NELL2: variants seen among roughly 807,000 people sequenced by gnomAD.
The protein encoded by NELL2 is protein kinase C-binding protein NELL2.
A neutral mutation model predicts 109.6 loss-of-function variants in NELL2; 41 were observed. The ratio of observed to expected loss-of-function variants is 0.37; its 90% CI spans 0.29 to 0.49. The LOEUF (loss-of-function observed/expected upper bound fraction) is 0.49. Ranked by LOEUF, NELL2 falls within the 20% of genes least tolerant of loss-of-function variation. The probability of loss-of-function intolerance (pLI) is 0.98; values close to 1 mark genes in which losing one functional copy is unlikely to be tolerated. For synonymous variants in NELL2, 355 were observed against 344.7 expected (o/e 1.03, Z -0.33); for missense variants, 900 against 1,008.3 (o/e 0.89, Z 1.45).
At chr12:44,917,781 TAG>T, upstream of NELL2, among the ~76,000 whole-genome samples, 1 of 152,286 alleles carries the variant, frequency 6.6e-6, no homozygotes, top group East Asian at 1.9e-4. Flanking sequence ...TCCTGTGGGC[TAG>T]AGAAGTAAGG....
intron 3 of NELL2, among the ~76,000 whole-genome samples, chr12:44,795,919 A>AT (rs1358815611): frequency 3.9e-5 from 6 of 152,096 alleles, no homozygotes; most frequent in Non-Finnish European, 8.8e-5. Context: ...CTTTTCTGAT[A>AT]TTTTTGTTAA....
intron 3 of NELL2, among the ~76,000 whole-genome samples, chr12:44,782,750 A>G (rs556940679): frequency 5.9e-5 from 9 of 152,174 alleles, no homozygotes; most frequent in African/African-American, 2.2e-4. Context: ...TATGTGAAGC[A>G]AAAACTGATA....
At chr12:44,648,647 A>C (rs1337542886) in intron 13 of NELL2, among the ~76,000 whole-genome samples, 1 of 150,116 alleles carries the variant, frequency 6.7e-6, no homozygotes, top group African/African-American at 2.5e-5. Flanking sequence ...CATACCTAAT[A>C]TTTTCAGGTA....
At chr12:44,616,160 G>A (rs180687448) in intron 13 of NELL2, among the ~76,000 whole-genome samples, 1 of 152,168 alleles carries the variant, frequency 6.6e-6, no homozygotes, top group African/African-American at 2.4e-5. Context: ...TTATACACTA[G>A]ATTCTGCTCT....
chr12:44,816,021 T>G lies in NELL2; in HGVS notation c.300A>C (p.Ser100=). The change falls in exon 3 of 20, where the codon TCA becomes TCC. Residue 100 remains serine, a synonymous_variant. Transcript: ENST00000429094. ...AGTGGTGAATTGAGAGAATAACTCCTGAATTTAAGTGGGTCTGTTTTAGGG... is the reference window on the plus strand; with the variant it reads ...AGTGGTGAATTGAGAGAATAACTCCGGAATTTAAGTGGGTCTGTTTTAGGG... The part of the protein sequence containing the change: ...LVTLKQTHLN[S]GVILSIHHLD... 6.2e-7 allele frequency: 1 copy of G among 1,612,394 alleles called. No individual in the cohort carries two copies. Among genetic ancestry groups the G allele is most frequent in the South Asian group, 1.1e-5 (1 of 90,348 alleles).
intron 15 of NELL2, among the ~76,000 whole-genome samples, chr12:44,597,260 A>T (rs753385738): frequency 6.6e-6 from 1 of 151,996 alleles, no homozygotes; most frequent in East Asian, 1.9e-4. Flanking sequence ...AGCACCTTTC[A>T]TTTTTCTTAT....
chr12:44,648,893 G>A (rs56057258), intron 13 of NELL2, among the ~76,000 whole-genome samples: 2,310 of 101,094 alleles, frequency 0.023, 33 homozygotes, highest in Middle Eastern at 0.061. Context: ...ATGCCACCAC[G>A]CCCAGCTTGT....
At chr12:44,665,385 A>G in intron 13 of NELL2, 99 bp downstream of exon 13, 3 of 995,868 alleles carry the variant, frequency 3.0e-6, no homozygotes, top group Non-Finnish European at 4.3e-6. Flanking sequence ...GTTTTGTTGT[A>G]TTTATGGTAT....
At chr12:44,612,005 T>G (rs961109711) in intron 13 of NELL2, among the ~76,000 whole-genome samples, 2 of 152,034 alleles carry the variant, frequency 1.3e-5, no homozygotes, top group African/African-American at 4.8e-5. Flanking sequence ...AAATATACAT[T>G]TTAATAAATT....
At chr12:44,547,489 C>A (rs1026308672) in intron 15 of NELL2, among the ~76,000 whole-genome samples, 50 of 152,190 alleles carry the variant, frequency 3.3e-4, no homozygotes, top group Admixed American at 3.3e-3. Flanking sequence ...ATGCATCTTA[C>A]TCATGAATAA....
At chr12:44,518,508 A>G (rs1030773253) in intron 19 of NELL2, among the ~76,000 whole-genome samples, 4 of 151,844 alleles carry the variant, frequency 2.6e-5, no homozygotes, top group African/African-American at 7.3e-5. Flanking sequence ...GCCTCCCAAA[A>G]TGCTGGGATT....
chr12:44,845,979 C>A (rs765206893), intron 2 of NELL2, among the ~76,000 whole-genome samples: 1 of 152,242 alleles, frequency 6.6e-6, no homozygotes, highest in African/African-American at 2.4e-5. Context: ...TAGAAAATGG[C>A]CTTTACTCCA....
chr12:44,716,773 G>A (rs1158880228), intron 9 of NELL2, among the ~76,000 whole-genome samples: 1 of 152,082 alleles, frequency 6.6e-6, no homozygotes, highest in Non-Finnish European at 1.5e-5. Flanking sequence ...CCAAGCGTAT[G>A]TGGAAGAAAA....
In NELL2 at chr12:44,590,565, C is replaced by T. The variant is rs143684459; in HGVS notation, c.1663+16604G>A. ...TGTAACTGAAATTGTGTTTTTGCCACAAAAACCATTTCATAAAATACTGGA... is the reference window on the plus strand; with the variant it reads ...TGTAACTGAAATTGTGTTTTTGCCATAAAAACCATTTCATAAAATACTGGA... On this transcript the variant is annotated intron_variant, in intron 15 of 19. Coordinates refer to ENST00000429094, the MANE Select transcript of NELL2 (RefSeq NM_001145108.2). Among the ~76,000 whole-genome samples, 1,092 of 152,150 alleles carry T rather than the reference C, an allele frequency of 7.2e-3. 9 individuals carry two copies. The highest frequency in any genetic ancestry group is 0.025 in the African/African-American group (1,018 of 41,478).
chr12:44,573,630 G>C (rs529438775), intron 15 of NELL2, among the ~76,000 whole-genome samples: 1 of 152,240 alleles, frequency 6.6e-6, no homozygotes, highest in South Asian at 2.1e-4. Context: ...TTAAAATAAA[G>C]TTTCCAACTT....
intron 15 of NELL2, among the ~76,000 whole-genome samples, chr12:44,565,358 ACAT>A (rs888725003): frequency 5.3e-5 from 8 of 152,226 alleles, no homozygotes; most frequent in African/African-American, 1.9e-4. Context: ...TTAAACAATG[ACAT>A]CATCATTAGA....
intron 15 of NELL2, among the ~76,000 whole-genome samples, chr12:44,586,297 G>T (rs1473306038): frequency 6.7e-6 from 1 of 149,006 alleles, no homozygotes; most frequent in Non-Finnish European, 1.5e-5. Flanking sequence ...TATATATATA[G>T]ATATATACAC....
intron 2 of NELL2, among the ~76,000 whole-genome samples, chr12:44,870,081 A>T (rs1157083657): frequency 6.6e-6 from 1 of 152,164 alleles, no homozygotes; most frequent in Non-Finnish European, 1.5e-5. Context: ...ACTGTGTAAG[A>T]AGGGTCCCCT....
chr12:44,722,815 G>C (rs547585874), intron 9 of NELL2, among the ~76,000 whole-genome samples: 1 of 152,166 alleles, frequency 6.6e-6, no homozygotes, highest in Admixed American at 6.5e-5. Flanking sequence ...TTATAACTTG[G>C]TTTTACCTAT....
Sources: gnomAD v4.1 joint callset for allele counts (sites outside exome capture counted in the v4.1 genomes callset) on GRCh38, gnomAD v4.1.1 for gene constraint, MANE v1.5 for transcripts, NCBI Gene and HGNC (gene_info 2026-07-23, HGNC 2026-07-21) for gene names.